The following EFCAB5 variants were observed in gnomAD, a reference collection of about 807,000 sequenced individuals.
EFCAB5 encodes EF-hand calcium-binding domain-containing protein 5.
A neutral mutation model predicts 167.9 loss-of-function variants in EFCAB5; 131 were observed. The observed-to-expected ratio is 0.78, with a 90% CI of 0.68 to 0.90. EFCAB5 has a LOEUF of 0.90. Among genes scored for constraint, EFCAB5 ranks in the 40% least tolerant of loss-of-function variants. The pLI is 0.00. For synonymous variants in EFCAB5, 574 were observed against 602.8 expected, an observed-to-expected ratio of 0.95 and a Z score of 0.70; for missense variants, 1,663 against 1,745.2, an observed-to-expected ratio of 0.95 and a Z score of 0.84.
intron 4 of EFCAB5, among the ~76,000 whole-genome samples, chr17:29,971,323 C>T (rs903782539): frequency 6.6e-6 from 1 of 152,038 alleles, no homozygotes; most frequent in Non-Finnish European, 1.5e-5. Flanking sequence ...TAACCATTGT[C>T]TGCAAATAAT....
intron 14 of EFCAB5, among the ~76,000 whole-genome samples, chr17:30,066,218 C>T (rs982417610): frequency 7.9e-5 from 12 of 152,018 alleles, no homozygotes; most frequent in African/African-American, 2.9e-4. Flanking sequence ...CAAAACAAAT[C>T]TTATCAAATT....
chr17:29,942,463 G>A (rs2067313890), intron 2 of EFCAB5, among the ~76,000 whole-genome samples, 161 bp downstream of exon 2: 1 of 152,196 alleles, frequency 6.6e-6, no homozygotes, highest in Admixed American at 6.5e-5. Flanking sequence ...ATTCATTTGA[G>A]TAAGTTGCAG....
chr17:30,095,165 C>T (rs2071271383), intron 22 of EFCAB5, among the ~76,000 whole-genome samples: 1 of 152,170 alleles, frequency 6.6e-6, no homozygotes, highest in South Asian at 2.1e-4. Context: ...GAAGAGCTGT[C>T]CCCTATTGCA....
rs543464918 is a variant in EFCAB5, at chr17:29,999,767, T to A, written c.974-139T>A. On this transcript the variant is annotated intron_variant, in intron 6 of 22. Coordinates refer to ENST00000394835, the MANE Select transcript of EFCAB5 (RefSeq NM_198529.4). ...TAGTATTTGGTATGTTACCCAACTA[T>A]ATGTAATTCACTTTATTGTAATTAT... 7.6e-6 allele frequency: 4 copies of A among 523,614 alleles called. No homozygotes were observed. The East Asian group carries it at 1.3e-4, about 18-fold the overall frequency. The allele number at this position is 523,614 out of a possible 1,614,324, so 32.4% of individuals were successfully genotyped here. A position where few individuals can be genotyped will look rare whatever the true frequency, so the allele number is the denominator to read the frequency against.
intron 7 of EFCAB5, among the ~76,000 whole-genome samples, chr17:30,020,114 T>C (rs866129997): frequency 9.9e-5 from 15 of 152,154 alleles, no homozygotes; most frequent in African/African-American, 3.4e-4. Context: ...CATTTCCTTC[T>C]TTTTTAAGGC....
intron 22 of EFCAB5, among the ~76,000 whole-genome samples, chr17:30,100,384 C>T (rs1484675177): frequency 6.6e-6 from 1 of 152,094 alleles, no homozygotes; most frequent in Non-Finnish European, 1.5e-5. Flanking sequence ...GGGGAAAAAG[C>T]AAAGTCGAGT....
intron 4 of EFCAB5, among the ~76,000 whole-genome samples, chr17:29,991,049 C>A (rs114617714): frequency 4.5e-4 from 68 of 152,330 alleles, no homozygotes; most frequent in African/African-American, 1.6e-3. Flanking sequence ...CCTTCCTCCT[C>A]ATTATCAGTG....
At chr17:29,949,034 T>C (rs1316499543) in intron 3 of EFCAB5, among the ~76,000 whole-genome samples, 4 of 152,338 alleles carry the variant, frequency 2.6e-5, no homozygotes, top group Non-Finnish European at 4.4e-5. Flanking sequence ...GAAAACATCA[T>C]ACAGCTTAAG....
chr17:29,992,723 C>T (rs2068448744), intron 4 of EFCAB5, among the ~76,000 whole-genome samples: 1 of 152,196 alleles, frequency 6.6e-6, no homozygotes, highest in Non-Finnish European at 1.5e-5. Flanking sequence ...TATCACTTGG[C>T]TATTATGAAT....
chr17:29,956,360 G>T (rs1428746705), intron 3 of EFCAB5, among the ~76,000 whole-genome samples: 1 of 152,158 alleles, frequency 6.6e-6, no homozygotes, highest in Non-Finnish European at 1.5e-5. Context: ...GCTATCACAA[G>T]GTCACATGAC....
intron 8 of EFCAB5, among the ~76,000 whole-genome samples, chr17:30,045,551 T>C (rs906799126): frequency 5.3e-5 from 8 of 151,502 alleles, no homozygotes; most frequent in African/African-American, 1.7e-4. Flanking sequence ...CATGAGTGTA[T>C]ACATTGTCAA....
At chr17:29,963,273 A>G (rs769695498) in intron 3 of EFCAB5, among the ~76,000 whole-genome samples, 2 of 152,088 alleles carry the variant, frequency 1.3e-5, no homozygotes, top group Non-Finnish European at 2.9e-5. Context: ...TACCTTTATT[A>G]TTTTTAGGAA....
intron 6 of EFCAB5, among the ~76,000 whole-genome samples, chr17:29,997,021 G>A (rs754419517): frequency 6.6e-6 from 1 of 152,080 alleles, no homozygotes; most frequent in Non-Finnish European, 1.5e-5. Flanking sequence ...CGAGATGGGC[G>A]GATCATTTGA....
intron 14 of EFCAB5, chr17:30,069,613 C>G: frequency 6.2e-7 from 1 of 1,612,854 alleles, no homozygotes; most frequent in East Asian, 2.2e-5. Flanking sequence ...CCTTGCTCTT[C>G]CTCGACTGGT....
intron 7 of EFCAB5, among the ~76,000 whole-genome samples, chr17:30,010,985 G>T (rs914218778): frequency 9.2e-5 from 14 of 151,974 alleles, no homozygotes; most frequent in Admixed American, 6.6e-4. Flanking sequence ...TTTTTGTAAG[G>T]AAGGGATTCA....
At chr17:29,977,046 G>C (rs899578927) in intron 4 of EFCAB5, among the ~76,000 whole-genome samples, 1 of 152,026 alleles carries the variant, frequency 6.6e-6, no homozygotes, top group Non-Finnish European at 1.5e-5. Flanking sequence ...TGCAATTTTG[G>C]ACAACTGTAA....
At chr17:30,009,963 C>A (rs1240678358) in intron 7 of EFCAB5, among the ~76,000 whole-genome samples, 1 of 152,098 alleles carries the variant, frequency 6.6e-6, no homozygotes, top group Non-Finnish European at 1.5e-5. Flanking sequence ...CCTCCTCCAT[C>A]CCCCGACCCC....
chr17:30,039,849 C>T (rs1278179768), intron 8 of EFCAB5, among the ~76,000 whole-genome samples: 2 of 152,194 alleles, frequency 1.3e-5, no homozygotes, highest in Non-Finnish European at 2.9e-5. Context: ...TTTGTTCTCC[C>T]TTCTCCACCT....
rs9906967 is a variant in EFCAB5, at chr17:30,067,254, T to A, written c.2737+7553T>A. ...CCGGTATCCCTAATGAACACAAATG[T>A]AAGAATTCTCAACAAAATTCTAGCA... On this transcript the variant is annotated intron_variant, in intron 14 of 22. Transcript: ENST00000394835. Among the ~76,000 whole-genome samples the A allele has an allele frequency of 6.3e-3, 962 of 152,212 alleles. 5 individuals are homozygous for A. The highest frequency in any genetic ancestry group is 0.022 in the African/African-American group (923 of 41,548).
Sources: gnomAD v4.1 joint callset for allele counts (sites outside exome capture counted in the v4.1 genomes callset) on GRCh38, gnomAD v4.1.1 for gene constraint, MANE v1.5 for transcripts, NCBI Gene and HGNC (gene_info 2026-07-23, HGNC 2026-07-21) for gene names.